DCT: variants seen among roughly 807,000 people sequenced by gnomAD.
DCT encodes the protein L-dopachrome tautomerase.
In DCT, 47 loss-of-function variants were observed where a neutral mutation model predicts 53.0. The observed-to-expected ratio is 0.89, with a 90% CI of 0.70 to 1.13. DCT has a LOEUF of 1.13. DCT is among the 50% of genes most tolerant of loss of function. The probability of loss-of-function intolerance (pLI) is 0.00; values close to 1 mark genes in which losing one functional copy is unlikely to be tolerated. For synonymous variants in DCT, 244 were observed against 237.0 expected, an observed-to-expected ratio of 1.03 and a Z score of -0.27; for missense variants, 669 against 637.4, an observed-to-expected ratio of 1.05 and a Z score of -0.53.
intron 6 of DCT, among the ~76,000 whole-genome samples, chr13:94,454,331 C>G (rs1883278547): frequency 6.6e-6 from 1 of 152,164 alleles, no homozygotes; most frequent in African/African-American, 2.4e-5. Flanking sequence ...CAAGTATACT[C>G]TTAAGAATAG....
chr13:94,454,069 G>C (rs1189351352), intron 6 of DCT, among the ~76,000 whole-genome samples: 1 of 152,160 alleles, frequency 6.6e-6, no homozygotes, highest in African/African-American at 2.4e-5. Flanking sequence ...ATTTATGGTA[G>C]TCCATCAGCT....
At chr13:94,519,345 G>A in the DCT span, among the ~76,000 whole-genome samples, 444 of 152,230 alleles carry the variant, frequency 2.9e-3, 1 homozygote, top group Non-Finnish European at 4.6e-3. Flanking sequence ...GTAGGTAAGC[G>A]AGTGCTTATT....
Position 94,439,794 on chromosome 13 carries a change from A to T in DCT, c.*104T>A, listed in dbSNP as rs560819875. ...TCATCACTATAGAAGAACCTATGTCAAAGATCTTCAACTCAAGAAGGAACA... is the reference window on the plus strand; with the variant it reads ...TCATCACTATAGAAGAACCTATGTCTAAGATCTTCAACTCAAGAAGGAACA... On this transcript the variant is annotated 3_prime_UTR_variant, in exon 8 of 8. Coordinates refer to ENST00000377028, the MANE Select transcript of DCT (RefSeq NM_001922.5). 1.9e-5 allele frequency: 16 copies of T among 852,562 alleles called. No homozygotes were observed. In the East Asian group the frequency reaches 4.0e-4, roughly 21 times the overall value. The allele number at this position is 852,562 out of a possible 1,614,324, so 52.8% of individuals were successfully genotyped here. A position where few individuals can be genotyped will look rare whatever the true frequency, so the allele number is the denominator to read the frequency against.
the DCT span, among the ~76,000 whole-genome samples, chr13:94,492,101 C>A: frequency 3.3e-5 from 5 of 152,174 alleles, no homozygotes; most frequent in Admixed American, 3.3e-4. Flanking sequence ...TTTTTCTCCC[C>A]TCACCTTTGT....
upstream of DCT, among the ~76,000 whole-genome samples, chr13:94,480,831 C>T (rs1885411494): frequency 6.6e-6 from 1 of 152,210 alleles, no homozygotes; most frequent in Non-Finnish European, 1.5e-5. Flanking sequence ...GGAAATATTG[C>T]ATCAGCATCA....
At chr13:94,481,817 T>A (rs1166015338), upstream of DCT, among the ~76,000 whole-genome samples, 1 of 152,190 alleles carries the variant, frequency 6.6e-6, no homozygotes, top group Non-Finnish European at 1.5e-5. Flanking sequence ...GTGTTCTCCA[T>A]TGGTCTTCTC....
At chr13:94,511,868 G>A in the DCT span, among the ~76,000 whole-genome samples, 2 of 134,782 alleles carry the variant, frequency 1.5e-5, no homozygotes, top group African/African-American at 5.7e-5. Context: ...GTGTGTGTGT[G>A]TTTGTGTTTT....
chr13:94,532,908 G>A, the DCT span, among the ~76,000 whole-genome samples: 1 of 152,088 alleles, frequency 6.6e-6, no homozygotes, highest in Non-Finnish European at 1.5e-5. Context: ...GTTATAACAC[G>A]AAAGAATCCT....
the DCT span, among the ~76,000 whole-genome samples, chr13:94,507,506 T>G: frequency 6.6e-6 from 1 of 150,934 alleles, no homozygotes; most frequent in Non-Finnish European, 1.5e-5. Flanking sequence ...ATATTGACTT[T>G]TTTTTTTTTT....
At chr13:94,539,395 C>T in the DCT span, among the ~76,000 whole-genome samples, 1 of 152,160 alleles carries the variant, frequency 6.6e-6, no homozygotes, top group Non-Finnish European at 1.5e-5. Flanking sequence ...AATAAACAGG[C>T]ATCTGAGTGC....
At chr13:94,451,761 A>G (rs150362219) in intron 6 of DCT, among the ~76,000 whole-genome samples, 1 of 152,246 alleles carries the variant, frequency 6.6e-6, no homozygotes, top group Non-Finnish European at 1.5e-5. Context: ...GATCACATTC[A>G]TTTTCCATAA....
At chr13:94,474,707 CCTGA>C (rs1375422251) in intron 1 of DCT, among the ~76,000 whole-genome samples, 4 of 152,160 alleles carry the variant, frequency 2.6e-5, no homozygotes, top group Non-Finnish European at 5.9e-5. Context: ...TTCAGCTCTT[CCTGA>C]CAATTAAGCT....
intron 6 of DCT, 70 bp downstream of exon 6, chr13:94,460,021 A>G: frequency 6.9e-7 from 1 of 1,445,950 alleles, no homozygotes; most frequent in Non-Finnish European, 9.7e-7. Flanking sequence ...ATCAAACATT[A>G]ATTGTATGAA....
the DCT span, among the ~76,000 whole-genome samples, chr13:94,513,367 G>T: frequency 6.6e-6 from 1 of 152,200 alleles, no homozygotes; most frequent in Non-Finnish European, 1.5e-5. Flanking sequence ...TAGAGCACAA[G>T]AATTTATCGT....
chr13:94,457,017 C>G (rs1327632143), intron 6 of DCT, among the ~76,000 whole-genome samples: 1 of 152,240 alleles, frequency 6.6e-6, no homozygotes, highest in South Asian at 2.1e-4. Context: ...GTAATCCCAG[C>G]TACTCGGGAG....
chr13:94,524,824 G>A, the DCT span, among the ~76,000 whole-genome samples: 1 of 152,106 alleles, frequency 6.6e-6, no homozygotes, highest in South Asian at 2.1e-4. Flanking sequence ...TGTTACGAAT[G>A]TAACTAGTTA....
At chr13:94,446,208 G>A (rs1406098008) in intron 6 of DCT, among the ~76,000 whole-genome samples, 1 of 152,168 alleles carries the variant, frequency 6.6e-6, no homozygotes, top group African/African-American at 2.4e-5. Flanking sequence ...GCACTGAGAA[G>A]GTAGGGAAGA....
At chr13:94,445,811 C>G (rs1882683149) in intron 6 of DCT, 2 of 1,367,784 alleles carry the variant, frequency 1.5e-6, no homozygotes, top group African/African-American at 1.4e-5. Context: ...TTCTTACATT[C>G]TCAGTGTGAG....
At chr13:94,482,690 C>A (rs560558920), upstream of DCT, among the ~76,000 whole-genome samples, 6 of 152,154 alleles carry the variant, frequency 3.9e-5, no homozygotes, top group Non-Finnish European at 8.8e-5. Context: ...ATTCCCAATT[C>A]AAAACTGTAT....
Sources: gnomAD v4.1 joint callset for allele counts (sites outside exome capture counted in the v4.1 genomes callset) on GRCh38, gnomAD v4.1.1 for gene constraint, MANE v1.5 for transcripts, NCBI Gene and HGNC (gene_info 2026-07-23, HGNC 2026-07-21) for gene names.